The following P2RX4 variants were observed in gnomAD, a reference collection of about 807,000 sequenced individuals.
P2RX4 encodes P2X purinoceptor 4.
A neutral mutation model predicts 48.0 loss-of-function variants in P2RX4; 37 were observed. The observed-to-expected ratio is 0.77, with a 90% confidence interval of 0.59 to 1.01. The LOEUF (loss-of-function observed/expected upper bound fraction) is 1.01. P2RX4 is among the 50% of genes least tolerant of loss of function. The probability of loss-of-function intolerance (pLI) is 0.00; values close to 1 mark genes in which losing one functional copy is unlikely to be tolerated. For missense variants in P2RX4, 501 were observed against 521.4 expected (o/e 0.96, Z 0.38); for synonymous variants, 200 against 199.7 (o/e 1.00, Z -0.01).
In P2RX4 at chr12:121,232,760, C is replaced by T; in HGVS notation, c.1044+84C>T. 1.7e-6 allele frequency: 2 copies of T among 1,177,372 alleles called. No individual in the cohort carries two copies. The highest frequency in any genetic ancestry group is 1.7e-5 in the Admixed American group (1 of 58,494). The allele number at this position is 1,177,372 out of a possible 1,614,324, so 72.9% of individuals were successfully genotyped here. A position where few individuals can be genotyped will look rare whatever the true frequency, so the allele number is the denominator to read the frequency against. On this transcript the variant is annotated intron_variant, in intron 10 of 11. Transcript: ENST00000337233. The surrounding 1 kb of genome is among the most constrained non-coding windows in gnomAD (Gnocchi z 4.3). ...CCTGGTCCTGGCCCTAGGCCCTAGA[C>T]CTCAGATGTGTTTCTAAACTTGACC...
At chr12:121,216,870 C>G in intron 1 of P2RX4, 2 of 680,814 alleles carry the variant, frequency 2.9e-6, no homozygotes, top group South Asian at 1.6e-5. Flanking sequence ...CAGTATTCAT[C>G]GAGCGTTTTC....
Position 121,233,697 on chromosome 12 carries a change from C to G in P2RX4, c.*148C>G, listed in dbSNP as rs1887525796. 6.6e-7 allele frequency: 1 copy of G among 1,520,698 alleles called. No individual in the cohort carries two copies. The highest frequency in any genetic ancestry group is 8.8e-7 in the Non-Finnish European group (1 of 1,131,836). 94.2% of individuals were successfully genotyped at this position (1,520,698 alleles called of 1,614,324 possible). On this transcript the variant is annotated 3_prime_UTR_variant, in exon 12 of 12. Coordinates refer to ENST00000337233, the MANE Select transcript of P2RX4 (RefSeq NM_002560.3). ...AGCACTCAGGGTTCCCCAGCAGCTC[C>G]TGTGTGTTGTGTGCAGGATCTGTTT...
intron 1 of P2RX4, among the ~76,000 whole-genome samples, chr12:121,211,881 G>T (rs992871379): frequency 6.6e-6 from 1 of 152,002 alleles, no homozygotes; most frequent in Non-Finnish European, 1.5e-5. Context: ...CGCCATGTTG[G>T]CCAGGCTGGT....
chr12:121,211,204 A>AT (rs1348904997), intron 1 of P2RX4, among the ~76,000 whole-genome samples: 2 of 151,656 alleles, frequency 1.3e-5, no homozygotes, highest in Admixed American at 6.6e-5. Context: ...TACTTTTTTA[A>AT]TTTTTTTATT....
intron 5 of P2RX4, among the ~76,000 whole-genome samples, chr12:121,226,188 T>C (rs149478937): frequency 6.6e-6 from 1 of 152,116 alleles, no homozygotes; most frequent in Non-Finnish European, 1.5e-5. Context: ...TATACTTTTA[T>C]TGGACATCAC....
In P2RX4 at chr12:121,233,561, C is replaced by A; in HGVS notation, c.*12C>A. The A allele has an allele frequency of 6.2e-7, 1 of 1,607,700 alleles. No homozygotes were observed. The highest frequency in any genetic ancestry group is 8.5e-7 in the Non-Finnish European group (1 of 1,176,722). On this transcript the variant is annotated 3_prime_UTR_variant, in exon 12 of 12. Transcript: ENST00000337233. ...AGCTGGACCAGTGAGGCCTACCCCACACCTGGGCTCTCCACAGCCCCATCA... is the reference window on the plus strand; with the variant it reads ...AGCTGGACCAGTGAGGCCTACCCCAAACCTGGGCTCTCCACAGCCCCATCA...
chr12:121,219,944 C>A (rs1320497467), intron 2 of P2RX4, among the ~76,000 whole-genome samples: 1 of 152,082 alleles, frequency 6.6e-6, no homozygotes. Flanking sequence ...CTTTTGGGGT[C>A]TTTGCCTTTT....
intron 5 of P2RX4, among the ~76,000 whole-genome samples, chr12:121,225,422 T>C (rs1886918838): frequency 6.6e-6 from 1 of 151,454 alleles, no homozygotes; most frequent in African/African-American, 2.4e-5. Flanking sequence ...TATTTATTTA[T>C]TTATTTGAGA....
chr12:121,212,613 C>T (rs910932477), intron 1 of P2RX4, among the ~76,000 whole-genome samples: 1 of 149,054 alleles, frequency 6.7e-6, no homozygotes, highest in African/African-American at 2.5e-5. Flanking sequence ...CATGGTAAAA[C>T]CCCGTCTCTA....
intron 5 of P2RX4, 86 bp from the exon 6 acceptor site, chr12:121,228,447 A>C (rs1253376442): frequency 2.3e-5 from 15 of 666,416 alleles, no homozygotes; most frequent in Admixed American, 1.1e-4. Flanking sequence ...ATACATATAT[A>C]TATGTGTGTA....
rs114060154 is a variant in P2RX4 at position 121,220,358 on chromosome 12, G to A, written c.283-1555G>A. ...TTATAGAAACTAACCATTTTAAGTC[G>A]GGCACAGTGGCTCATGCTTGTAATC... On this transcript the variant is annotated intron_variant, in intron 2 of 11. Coordinates refer to ENST00000337233, the MANE Select transcript of P2RX4 (RefSeq NM_002560.3). Among the ~76,000 whole-genome samples the A allele has an allele frequency of 6.9e-3, 1,053 of 151,868 alleles. 13 individuals are homozygous for A. The highest frequency in any genetic ancestry group is 0.024 in the African/African-American group (985 of 41,394).
chr12:121,220,311 T>G (rs1260394872), intron 2 of P2RX4, among the ~76,000 whole-genome samples: 1 of 152,106 alleles, frequency 6.6e-6, no homozygotes, highest in East Asian at 1.9e-4. Flanking sequence ...CCCCCCCTTT[T>G]TTTAACTGCA....
Position 121,219,911 on chromosome 12 carries a change from T to C in P2RX4, c.283-2002T>C, listed in dbSNP as rs536752570. On this transcript the variant is annotated intron_variant, in intron 2 of 11. Coordinates refer to ENST00000337233, the MANE Select transcript of P2RX4 (RefSeq NM_002560.3). The stretch of plus-strand genomic sequence containing the variant: ...TAGATGGATGGACACCAGCCCCCAA[T>C]GAGAGGAGGATCCAACTAGAATCTT... 2.6e-5 allele frequency among the ~76,000 whole-genome samples: 4 copies of C among 152,220 alleles called. No homozygotes were observed. The South Asian group carries it at 8.3e-4, about 32-fold the overall frequency.
In P2RX4 at chr12:121,217,151, A is replaced by G; in HGVS notation, c.152A>G (p.Glu51Gly). 6.2e-7 allele frequency: 1 copy of G among 1,613,994 alleles called. No individual in the cohort carries two copies. Among genetic ancestry groups the G allele is most frequent in the South Asian group, 1.1e-5 (1 of 91,080 alleles). ...AYVIGWVFVW[E>G]KGYQETDSVV... ...TTTTATAGGTGGGTGTTTGTGTGGG[A>G]AAAGGGCTACCAGGAAACTGACTCC... The change falls in exon 2 of 12, where the codon GAA (glutamate) becomes GGA (glycine). Residue 51 changes from glutamate to glycine, a missense_variant. Glu to Gly is a moderately conservative substitution (Grantham distance 98). Around this residue, in one of 3 missense-constraint regions of P2RX4, gnomAD observed 295 missense variants for 275.3 expected, o/e 1.07. Transcript: ENST00000337233.
chr12:121,221,776 G>C lies in P2RX4; in HGVS notation c.283-137G>C. The C allele has an allele frequency of 8.3e-6, 6 of 721,752 alleles. No homozygotes were observed. The Middle Eastern group carries it at 1.4e-3, about 172-fold the overall frequency. The allele number at this position is 721,752 out of a possible 1,614,324, so 44.7% of individuals were successfully genotyped here. On this transcript the variant is annotated intron_variant, in intron 2 of 11. Transcript: ENST00000337233. ...TTGTTTGAGTCACTGTTTTCCATTG[G>C]GTTATAAACTTTGATGGGAGAGAGC... is the stretch of plus-strand genomic sequence containing the variant.
intron 5 of P2RX4, among the ~76,000 whole-genome samples, chr12:121,224,282 A>C (rs1182363273): frequency 6.6e-6 from 1 of 152,142 alleles, no homozygotes; most frequent in Non-Finnish European, 1.5e-5. Context: ...AAAACAACGG[A>C]TGTTTGCTAC....
chr12:121,218,504 CAG>C (rs534702326), intron 2 of P2RX4, among the ~76,000 whole-genome samples: 43 of 152,088 alleles, frequency 2.8e-4, no homozygotes, highest in African/African-American at 1.0e-3. Context: ...TCAAGTGGAA[CAG>C]GGGATTTGCA....
At chr12:121,224,526 CG>C (rs1886854173) in intron 5 of P2RX4, among the ~76,000 whole-genome samples, 1 of 151,862 alleles carries the variant, frequency 6.6e-6, no homozygotes, top group Non-Finnish European at 1.5e-5. Flanking sequence ...TGCTTGAACC[CG>C]GGAAGTGGAG....
intron 1 of P2RX4, chr12:121,216,854 TAA>T: frequency 1.5e-6 from 1 of 657,692 alleles, no homozygotes; most frequent in South Asian, 1.6e-5. Context: ...TCAAATGTAA[TAA>T]AGACAGTATT....
Sources: allele counts gnomAD v4.1 joint callset (sites outside exome capture counted in the v4.1 genomes callset), GRCh38; gene constraint gnomAD v4.1.1; regional missense constraint gnomAD v4.1.1; non-coding constraint Gnocchi (gnomAD v3.1); transcripts MANE v1.5; gene names NCBI Gene and HGNC (gene_info 2026-07-23, HGNC 2026-07-21).